The following CHSY3 variants were observed in gnomAD, a reference collection of about 807,000 sequenced individuals.
CHSY3 encodes the protein N-acetylgalactosaminyl-proteoglycan 3-beta-glucuronosyltransferase 3.
A neutral mutation model predicts 67.2 loss-of-function variants in CHSY3; 35 were observed. The observed-to-expected ratio is 0.52, with a 90% CI of 0.40 to 0.69. The LOEUF (loss-of-function observed/expected upper bound fraction) is 0.69. CHSY3 is among the 30% of genes least tolerant of loss of function. The pLI is 0.00. For synonymous variants in CHSY3, 474 were observed against 434.7 expected (o/e 1.09, Z -1.12); for missense variants, 1,069 against 1,138.5 (o/e 0.94, Z 0.88).
In CHSY3 at chr5:129,932,322, T is replaced by C. The variant is rs1301072806; in HGVS notation, c.1086+23962T>C. Among the ~76,000 whole-genome samples the C allele has an allele frequency of 3.9e-5, 6 of 151,908 alleles. 1 individual carries two copies. The South Asian group carries it at 8.3e-4, about 21-fold the overall frequency. ...ACGGCAGTCTGGAGGTAGACCATCT[T>C]CTTCTTCTTCAGGAACCTATCTTTC... On this transcript the variant is annotated intron_variant, in intron 2 of 2. Coordinates refer to ENST00000305031, the MANE Select transcript of CHSY3 (RefSeq NM_175856.5).
chr5:129,941,523 C>T (rs1428055882), intron 2 of CHSY3, among the ~76,000 whole-genome samples: 2 of 152,040 alleles, frequency 1.3e-5, no homozygotes, highest in Admixed American at 6.6e-5. Flanking sequence ...CCCAAAGTGG[C>T]GTATGCTTTT....
chr5:130,136,628 A>G (rs1305117766), intron 2 of CHSY3, among the ~76,000 whole-genome samples: 2 of 152,192 alleles, frequency 1.3e-5, no homozygotes, highest in Non-Finnish European at 1.5e-5. Flanking sequence ...AAAAGACAGG[A>G]CTTTATTCAC....
chr5:130,080,666 C>A (rs549302035), intron 2 of CHSY3, among the ~76,000 whole-genome samples: 1 of 152,074 alleles, frequency 6.6e-6, no homozygotes, highest in East Asian at 1.9e-4. Context: ...ACTTAAATAC[C>A]TAAAAATCAT....
intron 2 of CHSY3, among the ~76,000 whole-genome samples, chr5:130,173,571 T>C (rs1769958129): frequency 1.3e-5 from 2 of 152,178 alleles, no homozygotes; most frequent in Non-Finnish European, 2.9e-5. Flanking sequence ...GCAGAGTTTA[T>C]AGATCAGATG....
At chr5:130,151,329 G>T (rs562812680) in intron 2 of CHSY3, among the ~76,000 whole-genome samples, 3 of 152,328 alleles carry the variant, frequency 2.0e-5, no homozygotes, top group African/African-American at 7.2e-5. Context: ...GCAAATTGGG[G>T]CATGCTTGAC....
intron 2 of CHSY3, among the ~76,000 whole-genome samples, chr5:130,086,678 A>T (rs1436849849): frequency 6.6e-6 from 1 of 152,196 alleles, no homozygotes; most frequent in Non-Finnish European, 1.5e-5. Context: ...AAGAAGTTGA[A>T]TCTCTGAATA....
chr5:130,070,306 A>G (rs1268641552), intron 2 of CHSY3, among the ~76,000 whole-genome samples: 1 of 152,166 alleles, frequency 6.6e-6, no homozygotes, highest in African/African-American at 2.4e-5. Flanking sequence ...GATAGACATT[A>G]TACTGAATCA....
intron 1 of CHSY3, 151 bp from the exon 2 acceptor site, chr5:129,907,926 T>TTA (rs1208776534): frequency 7.4e-7 from 1 of 1,358,450 alleles, no homozygotes; most frequent in African/African-American, 1.5e-5. Context: ...CTTTTAAAAA[T>TTA]AATAGAGTAT....
chr5:130,027,125 T>C (rs541956925), intron 2 of CHSY3, among the ~76,000 whole-genome samples: 1 of 152,238 alleles, frequency 6.6e-6, no homozygotes, highest in African/African-American at 2.4e-5. Context: ...AACACTATGG[T>C]ACTTCCTGAG....
chr5:129,904,946 A>C lies in CHSY3; in HGVS notation c.117A>C (p.Arg39Ser), dbSNP rs1189116962. 6.4e-7 allele frequency: 1 copy of C among 1,556,032 alleles called. No homozygotes were observed. The highest frequency in any genetic ancestry group is 8.7e-7 in the Non-Finnish European group (1 of 1,155,390). The change falls in exon 1 of 3, where the codon AGA (arginine) becomes AGC (serine). Residue 39 changes from arginine to serine, a missense_variant. Transcript: ENST00000305031. Reference protein sequence around the residue: ...PRVAELSERKRRGSSLCSYYG... With the variant: ...PRVAELSERKSRGSSLCSYYG... ...TGGCGGAGCTGAGCGAGAGGAAGAGACGTGGCTCCAGCCTCTGCTCCTACT... is the reference window on the plus strand; with the variant it reads ...TGGCGGAGCTGAGCGAGAGGAAGAGCCGTGGCTCCAGCCTCTGCTCCTACT...
At chr5:130,155,390 T>C (rs1769350278) in intron 2 of CHSY3, among the ~76,000 whole-genome samples, 1 of 152,200 alleles carries the variant, frequency 6.6e-6, no homozygotes, top group African/African-American at 2.4e-5. Context: ...GGAGAAAGCA[T>C]AGAATGGTAC....
At position 130,086,740 on chromosome 5, in the gene CHSY3, A is replaced by G. The variant is rs189040684; in HGVS notation, c.1087-97489A>G. ...GCAATAATCAATAGCTTACCAACCA[A>G]AAAGAGTCCAGGACCACATGGATTC... is the stretch of plus-strand genomic sequence containing the variant. On this transcript the variant is annotated intron_variant, in intron 2 of 2. Coordinates refer to ENST00000305031, the MANE Select transcript of CHSY3 (RefSeq NM_175856.5). Among the ~76,000 whole-genome samples, 1,026 of 152,238 alleles carry G rather than the reference A, an allele frequency of 6.7e-3. 16 individuals carry two copies. The highest frequency in any genetic ancestry group is 7.2e-3 in the Non-Finnish European group (487 of 68,002).
intron 2 of CHSY3, among the ~76,000 whole-genome samples, chr5:129,961,900 ACT>A (rs1762334831): frequency 6.6e-6 from 1 of 151,582 alleles, no homozygotes; most frequent in Non-Finnish European, 1.5e-5. Context: ...TCTACAGGTG[ACT>A]CTACTCCTTC....
intron 2 of CHSY3, among the ~76,000 whole-genome samples, chr5:130,081,345 C>T (rs1419785652): frequency 7.4e-5 from 10 of 134,670 alleles, no homozygotes; most frequent in African/African-American, 2.6e-4. Context: ...GGTGGGGGTG[C>T]TGCAGGACTT....
intron 2 of CHSY3, among the ~76,000 whole-genome samples, chr5:130,154,972 A>C (rs969284362): frequency 6.6e-6 from 1 of 152,164 alleles, no homozygotes; most frequent in African/African-American, 2.4e-5. Flanking sequence ...GAGAGTCTTC[A>C]TTTCTAACAC....
intron 2 of CHSY3, among the ~76,000 whole-genome samples, chr5:130,011,708 A>C (rs1764066869): frequency 6.6e-6 from 1 of 152,218 alleles, no homozygotes; most frequent in East Asian, 1.9e-4. Flanking sequence ...TTTTGTACTT[A>C]GAAAATGCCA....
intron 2 of CHSY3, among the ~76,000 whole-genome samples, chr5:130,100,769 A>C (rs748894495): frequency 1.3e-5 from 2 of 152,224 alleles, no homozygotes; most frequent in Non-Finnish European, 2.9e-5. Flanking sequence ...AGGCTTAAAG[A>C]AGGTACGTAA....
At chr5:130,146,779 T>TTTTTTG (rs1554086181) in intron 2 of CHSY3, among the ~76,000 whole-genome samples, 2 of 151,810 alleles carry the variant, frequency 1.3e-5, no homozygotes, top group Admixed American at 6.6e-5. Flanking sequence ...TTTCATTTGT[T>TTTTTTG]TTTTGTTTTG....
intron 2 of CHSY3, among the ~76,000 whole-genome samples, chr5:130,178,194 T>G (rs1770114089): frequency 8.7e-6 from 1 of 114,720 alleles, no homozygotes; most frequent in Non-Finnish European, 1.8e-5. Flanking sequence ...TGTGTATATA[T>G]ATATATTTAT....
Sources: allele counts gnomAD v4.1 joint callset (sites outside exome capture counted in the v4.1 genomes callset), GRCh38; gene constraint gnomAD v4.1.1; transcripts MANE v1.5; gene names NCBI Gene and HGNC (gene_info 2026-07-23, HGNC 2026-07-21).